Variants in RAD51B observed in about 807,000 individuals in gnomAD.
RAD51B encodes the protein DNA repair protein RAD51 homolog 2.
In RAD51B, 38 loss-of-function variants were observed where a neutral mutation model predicts 42.2. That is an observed-to-expected ratio of 0.90 (90% CI 0.70 to 1.18). The LOEUF is 1.18. Ranked by LOEUF, RAD51B falls within the 50% of genes most tolerant of loss-of-function variation. The pLI, the probability that RAD51B is intolerant of heterozygous loss-of-function variation, is 0.00. For synonymous variants in RAD51B, 154 were observed against 145.2 expected, an observed-to-expected ratio of 1.06 and a Z score of -0.43; for missense variants, 373 against 400.7, an observed-to-expected ratio of 0.93 and a Z score of 0.59.
chr14:68,036,572 CTCTT>C (rs1477523926), intron 7 of RAD51B, among the ~76,000 whole-genome samples: 3 of 152,122 alleles, frequency 2.0e-5, no homozygotes, highest in Admixed American at 6.5e-5. Flanking sequence ...TAACTTTTCT[CTCTT>C]TATACTTAGA....
chr14:68,607,510 T>A (rs1374585304), intron 10 of RAD51B, among the ~76,000 whole-genome samples: 2 of 152,136 alleles, frequency 1.3e-5, no homozygotes, highest in Non-Finnish European at 2.9e-5. Context: ...CCCAGGCCCG[T>A]GAGGCTCCTC....
chr14:67,881,623 G>T (rs1177723957), intron 5 of RAD51B, among the ~76,000 whole-genome samples: 7 of 152,238 alleles, frequency 4.6e-5, no homozygotes, highest in African/African-American at 1.7e-4. Context: ...TTGTGTTGCA[G>T]CCTGGAAACT....
chr14:68,086,230 C>T (rs1299582831), intron 7 of RAD51B, among the ~76,000 whole-genome samples: 2 of 152,270 alleles, frequency 1.3e-5, no homozygotes, highest in Non-Finnish European at 2.9e-5. Context: ...GGCTCTCCAA[C>T]GACTGCCCCA....
chr14:68,493,603 G>A (rs184918724), intron 10 of RAD51B, among the ~76,000 whole-genome samples: 9 of 152,292 alleles, frequency 5.9e-5, no homozygotes, highest in South Asian at 2.1e-4. Flanking sequence ...GAAGTGTCAC[G>A]CGTCAGCTAT....
At chr14:68,588,024 T>C (rs549182119) in intron 10 of RAD51B, among the ~76,000 whole-genome samples, 1 of 152,364 alleles carries the variant, frequency 6.6e-6, no homozygotes, top group South Asian at 2.1e-4. Flanking sequence ...CAGGCCCTAC[T>C]GAATCAGAGA....
At chr14:68,533,113 C>G (rs1297865537) in intron 10 of RAD51B, among the ~76,000 whole-genome samples, 1 of 152,060 alleles carries the variant, frequency 6.6e-6, no homozygotes, top group Non-Finnish European at 1.5e-5. Flanking sequence ...AACAGACAAA[C>G]CTATCTTTCT....
intron 8 of RAD51B, among the ~76,000 whole-genome samples, chr14:68,387,822 A>G (rs1371521490): frequency 2.0e-5 from 3 of 152,156 alleles, no homozygotes; most frequent in African/African-American, 7.2e-5. Context: ...CACCACCCAC[A>G]TGTAGCTACT....
At chr14:67,961,973 T>C (rs1378242239) in intron 7 of RAD51B, among the ~76,000 whole-genome samples, 1 of 152,148 alleles carries the variant, frequency 6.6e-6, no homozygotes, top group Admixed American at 6.5e-5. Context: ...CTCACACACA[T>C]ACATGTACCT....
At chr14:68,668,767 C>T (rs377386339) in intron 11 of RAD51B, among the ~76,000 whole-genome samples, 3 of 152,218 alleles carry the variant, frequency 2.0e-5, no homozygotes, top group African/African-American at 4.8e-5. Context: ...CTCTCCCAAT[C>T]GCTGGTTAAA....
intron 9 of RAD51B, among the ~76,000 whole-genome samples, chr14:68,450,250 C>T (rs1456371435): frequency 8.9e-6 from 1 of 112,132 alleles, no homozygotes; most frequent in Non-Finnish European, 1.7e-5. Flanking sequence ...TGGAGTTTCA[C>T]TCTTGTTACC....
At chr14:68,491,202 C>A (rs1221480766) in intron 10 of RAD51B, among the ~76,000 whole-genome samples, 1 of 152,208 alleles carries the variant, frequency 6.6e-6, no homozygotes, top group Non-Finnish European at 1.5e-5. Flanking sequence ...TAGTGCCTGG[C>A]CAAGTTGCAC....
intron 7 of RAD51B, among the ~76,000 whole-genome samples, chr14:68,242,354 T>C (rs1405258589): frequency 6.6e-6 from 1 of 152,214 alleles, no homozygotes; most frequent in Non-Finnish European, 1.5e-5. Context: ...ACCGCACTTA[T>C]CACAGATTGC....
At chr14:68,034,158 T>C (rs1469723271) in intron 7 of RAD51B, among the ~76,000 whole-genome samples, 1 of 152,186 alleles carries the variant, frequency 6.6e-6, no homozygotes, top group Non-Finnish European at 1.5e-5. Flanking sequence ...ATATTTCTCA[T>C]TTTGCAATTA....
chr14:68,506,861 G>T (rs1431935144), intron 10 of RAD51B, among the ~76,000 whole-genome samples: 1 of 152,178 alleles, frequency 6.6e-6, no homozygotes, highest in East Asian at 1.9e-4. Context: ...AGTGTGCAGA[G>T]GGGGAAGCTG....
At chr14:68,212,248 G>C (rs774095031) in intron 7 of RAD51B, among the ~76,000 whole-genome samples, 10 of 152,214 alleles carry the variant, frequency 6.6e-5, no homozygotes, top group Admixed American at 2.0e-4. Flanking sequence ...TTTGGCTCTA[G>C]AATCTGATTG....
intron 9 of RAD51B, among the ~76,000 whole-genome samples, chr14:68,428,097 G>A (rs1458286586): frequency 2.6e-5 from 4 of 152,146 alleles, no homozygotes; most frequent in Admixed American, 1.3e-4. Context: ...ATGGCAAGAT[G>A]ATGTCCTCTC....
chr14:68,461,089 T>C (rs969212048), intron 9 of RAD51B, among the ~76,000 whole-genome samples: 2 of 151,848 alleles, frequency 1.3e-5, no homozygotes, highest in African/African-American at 4.8e-5. Context: ...ACATTAACCA[T>C]AAAACAGTAA....
At chr14:68,360,852 T>A (rs928181422) in intron 8 of RAD51B, among the ~76,000 whole-genome samples, 1 of 152,130 alleles carries the variant, frequency 6.6e-6, no homozygotes, top group Non-Finnish European at 1.5e-5. Flanking sequence ...TGTAGAAATG[T>A]GATTGGACAA....
intron 4 of RAD51B, among the ~76,000 whole-genome samples, chr14:67,836,330 T>A (rs911270514): frequency 2.6e-5 from 4 of 152,184 alleles, no homozygotes; most frequent in African/African-American, 9.7e-5. Flanking sequence ...GATGGCTGAC[T>A]TCCCCCAGGT....
Sources: gnomAD v4.1 joint callset for allele counts (sites outside exome capture counted in the v4.1 genomes callset) on GRCh38, gnomAD v4.1.1 for gene constraint, MANE v1.5 for transcripts, NCBI Gene and HGNC (gene_info 2026-07-23, HGNC 2026-07-21) for gene names.